Variants in CTNNA2 observed in about 807,000 individuals in gnomAD.
The protein encoded by CTNNA2 is catenin alpha 2.
A neutral mutation model predicts 101.0 loss-of-function variants in CTNNA2; 42 were observed. The ratio of observed to expected loss-of-function variants is 0.42; its 90% CI spans 0.32 to 0.54. The LOEUF (loss-of-function observed/expected upper bound fraction) is 0.54, where lower values mean the gene tolerates loss of function less well. Among genes scored for constraint, CTNNA2 ranks in the 20% least tolerant of loss-of-function variants. The pLI, the probability that CTNNA2 is intolerant of heterozygous loss-of-function variation, is 0.14. For synonymous variants in CTNNA2, 450 were observed against 456.4 expected, an observed-to-expected ratio of 0.99 and a Z score of 0.18; for missense variants, 871 against 1,223.1, an observed-to-expected ratio of 0.71 and a Z score of 4.29.
In CTNNA2 at chr2:79,737,384, ACTTTTTTT is replaced by A. The variant is rs202180723; in HGVS notation, c.103-7001_103-6994del. Among the ~76,000 whole-genome samples the A allele has an allele frequency of 9.6e-3, 1,459 of 151,468 alleles. 56 individuals are homozygous for A. In the East Asian group the frequency reaches 0.11, roughly 12 times the overall value. ...AAAAAAGGTCACTGCTTTGTCTTTC[ACTTTTTTT>A]CGCTTCAGCTAGACTCCTAGATAAA... On this transcript the variant is annotated intron_variant, in intron 2 of 18. Transcript: ENST00000402739.
chr2:79,820,991 A>G (rs1677955737), intron 3 of CTNNA2, among the ~76,000 whole-genome samples: 1 of 152,160 alleles, frequency 6.6e-6, no homozygotes, highest in South Asian at 2.1e-4. Context: ...TTATACATTC[A>G]TCAAGTTTTC....
intron 7 of CTNNA2, among the ~76,000 whole-genome samples, chr2:80,206,603 C>T (rs1029832728): frequency 5.9e-5 from 9 of 152,100 alleles, no homozygotes; most frequent in Admixed American, 2.0e-4. Flanking sequence ...CAGGGAGAAG[C>T]GAGTGCATTC....
chr2:80,601,143 G>C (rs148647406), intron 15 of CTNNA2, among the ~76,000 whole-genome samples: 1 of 152,022 alleles, frequency 6.6e-6, no homozygotes, highest in African/African-American at 2.4e-5. Flanking sequence ...AATAATTCTC[G>C]TATGTATAAG....
intron 7 of CTNNA2, among the ~76,000 whole-genome samples, chr2:80,358,836 C>T (rs1418386819): frequency 6.6e-6 from 1 of 151,890 alleles, no homozygotes; most frequent in Non-Finnish European, 1.5e-5. Flanking sequence ...TCACATCACT[C>T]TTTTGAAATA....
At chr2:79,374,928 T>TA (rs1677949873) in intron 4 of CTNNA2, among the ~76,000 whole-genome samples, 1 of 151,556 alleles carries the variant, frequency 6.6e-6, no homozygotes, top group Non-Finnish European at 1.5e-5. Flanking sequence ...ATTTACAATC[T>TA]AATAAAAATT....
chr2:79,807,873 C>T (rs1230695063), intron 3 of CTNNA2, among the ~76,000 whole-genome samples: 2 of 152,050 alleles, frequency 1.3e-5, no homozygotes, highest in South Asian at 2.1e-4. Flanking sequence ...GATTTCCTGT[C>T]GATTTACATT....
At chr2:80,451,958 T>A (rs528875338) in intron 9 of CTNNA2, among the ~76,000 whole-genome samples, 19 of 152,238 alleles carry the variant, frequency 1.2e-4, no homozygotes, top group Admixed American at 9.2e-4. Flanking sequence ...AAAATAGAAT[T>A]TGGACATAGA....
chr2:79,744,695 CTTTCT>C, intron 3 of CTNNA2, 113 bp downstream of exon 3: 1 of 1,014,550 alleles, frequency 9.9e-7, no homozygotes, highest in Non-Finnish European at 1.4e-6. Context: ...CGTTTTTTTC[CTTTCT>C]ATCTACACTT....
At chr2:80,531,562 T>C (rs1277211901) in intron 9 of CTNNA2, among the ~76,000 whole-genome samples, 3 of 152,222 alleles carry the variant, frequency 2.0e-5, no homozygotes, top group Non-Finnish European at 2.9e-5. Context: ...GCTTCTCTGT[T>C]CACCTGCAAA....
At chr2:80,576,113 T>G (rs1285951095) in intron 13 of CTNNA2, 3 of 152,116 alleles carry the variant, frequency 2.0e-5, no homozygotes, top group Non-Finnish European at 4.4e-5. Context: ...TGACCATACC[T>G]CCTTCCCTCC....
intron 4 of CTNNA2, among the ~76,000 whole-genome samples, chr2:79,485,512 A>G (rs1158222135): frequency 6.6e-6 from 1 of 152,192 alleles, no homozygotes; most frequent in Non-Finnish European, 1.5e-5. Flanking sequence ...TTGAAATCTC[A>G]TTTTATTTCA....
At chr2:80,232,720 C>T (rs79684941) in intron 7 of CTNNA2, among the ~76,000 whole-genome samples, 1,749 of 152,174 alleles carry the variant, frequency 0.011, 32 homozygotes, top group African/African-American at 0.039. Context: ...GCCCTTGGTT[C>T]AGGTCTCACA....
At chr2:80,406,004 C>T (rs1004375503) in intron 8 of CTNNA2, among the ~76,000 whole-genome samples, 1 of 152,144 alleles carries the variant, frequency 6.6e-6, no homozygotes, top group African/African-American at 2.4e-5. Flanking sequence ...ATCAGGCTGC[C>T]TTAAGTAGTA....
chr2:79,744,663 T>C (rs941208005), intron 3 of CTNNA2, 81 bp downstream of exon 3: 31 of 1,315,720 alleles, frequency 2.4e-5, no homozygotes, highest in Non-Finnish European at 3.0e-5. Context: ...TCAATGGATA[T>C]TTACTCAAAG....
chr2:79,276,571 T>C (rs916832633), intron 2 of CTNNA2, among the ~76,000 whole-genome samples: 12 of 152,136 alleles, frequency 7.9e-5, no homozygotes, highest in African/African-American at 2.9e-4. Context: ...GTCTGCATCT[T>C]ATTTACCTGA....
chr2:79,803,212 C>G (rs1015413604), intron 3 of CTNNA2, among the ~76,000 whole-genome samples: 6 of 152,102 alleles, frequency 3.9e-5, no homozygotes, highest in African/African-American at 1.4e-4. Context: ...AAAATGTGTG[C>G]TTAATAAACA....
chr2:79,354,302 C>T (rs1290465402), intron 3 of CTNNA2, among the ~76,000 whole-genome samples: 1 of 152,148 alleles, frequency 6.6e-6, no homozygotes, highest in Non-Finnish European at 1.5e-5. Flanking sequence ...CCATCTCTCT[C>T]AGGAATGCCG....
intron 3 of CTNNA2, among the ~76,000 whole-genome samples, chr2:79,784,290 T>A (rs950454707): frequency 6.6e-6 from 1 of 152,044 alleles, no homozygotes; most frequent in African/African-American, 2.4e-5. Context: ...TTAAGCTTGA[T>A]GTATTCCCCA....
At chr2:79,907,356 T>C (rs73938415) in intron 6 of CTNNA2, among the ~76,000 whole-genome samples, 15,287 of 151,608 alleles carry the variant, frequency 0.1, 825 homozygotes, top group Middle Eastern at 0.13. Context: ...CACACATACA[T>C]ATATACATAT....
Sources: allele counts gnomAD v4.1 joint callset (sites outside exome capture counted in the v4.1 genomes callset), GRCh38; gene constraint gnomAD v4.1.1; transcripts MANE v1.5; gene names NCBI Gene and HGNC (gene_info 2026-07-23, HGNC 2026-07-21).